SPEG: variants seen among roughly 807,000 people sequenced by gnomAD.
SPEG encodes striated muscle preferentially expressed protein kinase.
In SPEG, 114 loss-of-function variants were observed where a neutral mutation model predicts 300.4. The observed-to-expected ratio is 0.38, with a 90% CI of 0.33 to 0.44. SPEG has a LOEUF of 0.44. Ranked by LOEUF, SPEG falls within the 20% of genes least tolerant of loss-of-function variation. The pLI is 1.00. For synonymous variants in SPEG, 1,964 were observed against 2,018.9 expected (o/e 0.97, Z 0.73); for missense variants, 4,201 against 4,586.2 (o/e 0.92, Z 2.43).
chr2:219,453,072 A>G (rs1689892995), intron 6 of SPEG, among the ~76,000 whole-genome samples: 1 of 152,010 alleles, frequency 6.6e-6, no homozygotes, highest in Non-Finnish European at 1.5e-5. Context: ...CTGTCCTTCC[A>G]TCACCTCCGG....
chr2:219,489,458 C>A lies in SPEG; in HGVS notation c.8440C>A (p.Pro2814Thr). The change falls in exon 36 of 41, where the codon CCC becomes ACC. Residue 2814 changes from proline to threonine, a missense_variant. By Grantham distance (38) the Pro-to-Thr change is conservative (BLOSUM62 -1). Transcript: ENST00000312358. ...ACCCCTAGCTCCTGCTGCCCCCACA[C>A]CCCCGTCAGTCACTGTCAGCCCCTC... ...APPLAPAAPT[P>T]PSVTVSPSSP... is the part of the protein sequence containing the mutation. 1 of 1,611,140 alleles carries A rather than the reference C, an allele frequency of 6.2e-7. No individual in the cohort carries two copies. Among genetic ancestry groups the A allele is most frequent in the East Asian group, 2.2e-5 (1 of 44,808 alleles).
rs1354534447 is a variant in SPEG at position 219,489,388 on chromosome 2, G to T, written c.8370G>T (p.Arg2790Ser). 1 of 1,612,740 alleles carries T rather than the reference G, an allele frequency of 6.2e-7. No homozygotes were observed. The highest frequency in any genetic ancestry group is 2.2e-5 in the East Asian group (1 of 44,832). The change falls in exon 36 of 41, where the codon AGG becomes AGT. Residue 2790 changes from arginine (R) to serine (S), a missense_variant. Physicochemically the swap from Arg to Ser is moderately radical, Grantham distance 110 (BLOSUM62 -1). Around this residue, in one of 4 missense-constraint regions of SPEG, gnomAD observed 1,578 missense variants for 1,506.0 expected, o/e 1.05. Transcript: ENST00000312358. ...ACCAAGAGGCCCCTGTCACCTCAAG[G>T]CCAGCCAGGGCCCGGCCTCCTGACT... ...AAHQEAPVTS[R>S]PARARPPDSP...
intron 40 of SPEG, 125 bp downstream of exon 40, chr2:219,492,385 C>A: frequency 8.3e-7 from 1 of 1,209,564 alleles, no homozygotes; most frequent in Non-Finnish European, 1.2e-6. Context: ...AATGGTCATA[C>A]TACCCACCAT....
chr2:219,486,301 A>G (rs1441872557), intron 31 of SPEG, among the ~76,000 whole-genome samples: 1 of 152,252 alleles, frequency 6.6e-6, no homozygotes, highest in Non-Finnish European at 1.5e-5. Flanking sequence ...TTTCCAGGCC[A>G]GCATGCAGGA....
In SPEG at chr2:219,469,033, C is replaced by G; in HGVS notation, c.3476C>G (p.Ala1159Gly). The G allele has an allele frequency of 6.2e-7, 1 of 1,611,838 alleles. No individual in the cohort carries two copies. Among genetic ancestry groups the G allele is most frequent in the Non-Finnish European group, 8.5e-7 (1 of 1,179,004 alleles). Reference protein sequence around the residue: ...AQLYVEEPRTAASGPSSKLEK... With the variant: ...AQLYVEEPRTGASGPSSKLEK... The stretch of plus-strand genomic sequence containing the variant: ...CTGTATGTAGAAGAGCCCCGGACAG[C>G]CGCCTCAGGCCCCAGGTACCACCGG... Residue 1159 changes from alanine (A) to glycine (G), a missense_variant, in exon 12 of 41, where the codon GCC becomes GGC. Transcript: ENST00000312358.
At chr2:219,483,046 A>C in intron 29 of SPEG, 52 bp from the exon 30 acceptor site, 2 of 1,546,790 alleles carry the variant, frequency 1.3e-6, no homozygotes, top group South Asian at 2.4e-5. Context: ...CCTGGGGGGG[A>C]CAATCCTGCC....
Position 219,451,965 on chromosome 2 carries a change from G to A in SPEG, c.2440+158G>A, listed in dbSNP as rs1057407833. 1.3e-5 allele frequency among the ~76,000 whole-genome samples: 2 copies of A among 152,218 alleles called. No individual in the cohort carries two copies. The highest frequency in any genetic ancestry group is 4.8e-5 in the African/African-American group (2 of 41,466). On this transcript the variant is annotated intron_variant, in intron 6 of 40. Transcript: ENST00000312358. The surrounding 1 kb of genome is among the most constrained non-coding windows in gnomAD (Gnocchi z 6.4). ...GTCCCTTCTGGGTGTCGGCAGCTTT[G>A]GTGAAAGCGTTTTAAATGGCCCTGG...
rs1327711226 is a variant in SPEG, at chr2:219,448,953, A to G, written c.1795A>G (p.Thr599Ala). ...EVRRRDQFPLTRSRAIQECRS... is the reference protein window; with the variant it reads ...EVRRRDQFPLARSRAIQECRS... ...TAGGCGTCGGGACCAATTCCCGCTG[A>G]CCCGGAGCAGAGCCATCCAGGAGTG... is the stretch of plus-strand genomic sequence containing the variant. The change falls in exon 4 of 41, where the codon ACC (threonine) becomes GCC (alanine). Residue 599 changes from threonine (T) to alanine (A), a missense_variant. Thr to Ala is a moderately conservative substitution (Grantham distance 58). Around this residue, in one of 4 missense-constraint regions of SPEG, gnomAD observed 1,258 missense variants for 1,293.9 expected, o/e 0.97. Transcript: ENST00000312358. 2.0e-6 allele frequency: 3 copies of G among 1,506,836 alleles called. No individual in the cohort carries two copies. The highest frequency in any genetic ancestry group is 2.7e-6 in the Non-Finnish European group (3 of 1,131,464). 93.3% of individuals were successfully genotyped at this position (1,506,836 alleles called of 1,614,324 possible). A position where few individuals can be genotyped will look rare whatever the true frequency, so the allele number is the denominator to read the frequency against.
rs1243083051 is a variant in SPEG at position 219,490,531 on chromosome 2, G to A, written c.9044G>A (p.Arg3015Gln). The change falls in exon 37 of 41, where the codon CGG (arginine) becomes CAG (glutamine). Residue 3015 changes from arginine (R) to glutamine (Q), a missense_variant. Transcript: ENST00000312358. ...RRVLQEYEVLRTLHHERIMSL... is the reference protein window; with the variant it reads ...RRVLQEYEVLQTLHHERIMSL... ...GTCCTGCAGGAGTACGAGGTGCTGCGGACCCTGCACCACGAGCGGATCATG... is the reference window on the plus strand; with the variant it reads ...GTCCTGCAGGAGTACGAGGTGCTGCAGACCCTGCACCACGAGCGGATCATG... 5 of 1,613,010 alleles carry A rather than the reference G, an allele frequency of 3.1e-6. No homozygotes were observed. Among genetic ancestry groups the A allele is most frequent in the African/African-American group, 1.3e-5 (1 of 74,920 alleles).
chr2:219,463,213 A>G (rs1690899665), intron 8 of SPEG, among the ~76,000 whole-genome samples: 1 of 151,896 alleles, frequency 6.6e-6, no homozygotes, highest in African/African-American at 2.4e-5. Context: ...TATTGCTGAA[A>G]AAAAAAAGAC....
intron 1 of SPEG, chr2:219,442,117 G>T: frequency 8.5e-7 from 1 of 1,173,594 alleles, no homozygotes; most frequent in Non-Finnish European, 1.1e-6. Flanking sequence ...CGCCGGGAGG[G>T]GGCAGGGAGG....
At chr2:219,465,109 A>G (rs116604447) in intron 9 of SPEG, 2,163 of 155,612 alleles carry the variant, frequency 0.014, 44 homozygotes, top group African/African-American at 0.049. Flanking sequence ...GGAGCATCAC[A>G]GGGACCCTAG....
At position 219,451,331 on chromosome 2, in the gene SPEG, G is replaced by T. The variant is rs745744360; in HGVS notation, c.2257+52G>T. On this transcript the variant is annotated intron_variant, in intron 5 of 40. Transcript: ENST00000312358. This position sits in a 1 kb window ranked among gnomAD's most constrained non-coding sequence, Gnocchi z 6.4. ...CGGTCGAGGTTGGGAGGGGGTGTGT[G>T]AGAAGGGAAGGGGAGGTTCCCCCGG... 1.9e-6 allele frequency: 3 copies of T among 1,553,546 alleles called. No homozygotes were observed. The Admixed American group carries it at 5.8e-5, about 30-fold the overall frequency.
At chr2:219,471,710 G>A (rs1319576905) in intron 13 of SPEG, 158 bp from the exon 14 acceptor site, 13 of 828,418 alleles carry the variant, frequency 1.6e-5, no homozygotes, top group African/African-American at 3.4e-5. Context: ...CACCATGGAT[G>A]CACTTCTTGC....
intron 18 of SPEG, among the ~76,000 whole-genome samples, chr2:219,474,844 A>C (rs1160003895): frequency 7.3e-6 from 1 of 136,370 alleles, no homozygotes; most frequent in Admixed American, 8.1e-5. Flanking sequence ...TGTCACCCAC[A>C]CCATCTCGGC....
intron 28 of SPEG, chr2:219,482,463 G>A (rs1410699669): frequency 3.1e-6 from 1 of 320,524 alleles, no homozygotes; most frequent in Non-Finnish European, 5.8e-6. Flanking sequence ...AAGGGCCTAA[G>A]ATCACAGGCC....
chr2:219,491,565 G>A (rs375755553), intron 38 of SPEG, among the ~76,000 whole-genome samples: 57 of 152,294 alleles, frequency 3.7e-4, no homozygotes, highest in Admixed American at 3.5e-3. Context: ...GGAGTTCTGG[G>A]GACCCCGCCA....
chr2:219,436,902 G>C (rs1954733966), intron 1 of SPEG, among the ~76,000 whole-genome samples: 1 of 152,194 alleles, frequency 6.6e-6, no homozygotes, highest in Admixed American at 6.5e-5. Flanking sequence ...TAGATCAAAG[G>C]GTAAGATAGA....
chr2:219,485,519 G>C (rs776082676), intron 31 of SPEG, 42 bp downstream of exon 31: 25 of 1,508,136 alleles, frequency 1.7e-5, no homozygotes, highest in Non-Finnish European at 2.1e-5. Flanking sequence ...CTCCCCTCCT[G>C]CCCTCCCCTA....
Sources: allele counts gnomAD v4.1 joint callset (sites outside exome capture counted in the v4.1 genomes callset), GRCh38; gene constraint gnomAD v4.1.1; regional missense constraint gnomAD v4.1.1; non-coding constraint Gnocchi (gnomAD v3.1); transcripts MANE v1.5; gene names NCBI Gene and HGNC (gene_info 2026-07-23, HGNC 2026-07-21).